Variants in CLMP observed in about 807,000 individuals in gnomAD.
The protein encoded by CLMP is CXADR like cell adhesion molecule.
CLMP carries 27 observed loss-of-function variants against 45.2 expected under a neutral mutation model. That is an observed-to-expected ratio of 0.60 (90% CI 0.44 to 0.82). CLMP has a LOEUF of 0.82. CLMP is among the 40% of genes least tolerant of loss of function. CLMP has a pLI of 0.00. For missense variants in CLMP, 403 were observed against 448.4 expected, an observed-to-expected ratio of 0.90 and a Z score of 0.91; for synonymous variants, 167 against 171.4, an observed-to-expected ratio of 0.97 and a Z score of 0.20.
intron 1 of CLMP, among the ~76,000 whole-genome samples, chr11:123,155,507 G>A (rs1261876646): frequency 6.6e-6 from 1 of 152,212 alleles, no homozygotes; most frequent in African/African-American, 2.4e-5. Flanking sequence ...CATCGTGTGA[G>A]GAAGGTATTA....
intron 1 of CLMP, among the ~76,000 whole-genome samples, chr11:123,135,133 G>A (rs942926927): frequency 3.3e-5 from 5 of 151,730 alleles, no homozygotes; most frequent in African/African-American, 4.8e-5. Context: ...GGTGGCAGGC[G>A]CCTGTAATCC....
chr11:123,139,567 C>T (rs971967906), intron 1 of CLMP, among the ~76,000 whole-genome samples: 2 of 152,168 alleles, frequency 1.3e-5, no homozygotes, highest in Non-Finnish European at 2.9e-5. Context: ...TGGCTCACGC[C>T]TGTAATGCCA....
At chr11:123,159,452 G>A (rs531352946) in intron 1 of CLMP, among the ~76,000 whole-genome samples, 2 of 152,358 alleles carry the variant, frequency 1.3e-5, no homozygotes, top group South Asian at 2.1e-4. Flanking sequence ...AGGCAAGCCT[G>A]GGGTACCCTC....
At chr11:123,172,363 G>A (rs902282524) in intron 1 of CLMP, among the ~76,000 whole-genome samples, 19 of 152,042 alleles carry the variant, frequency 1.2e-4, no homozygotes, top group African/African-American at 4.3e-4. Flanking sequence ...CACCTGCCTC[G>A]ATCTCCCTAA....
chr11:123,127,896 G>A (rs776353842), intron 1 of CLMP, among the ~76,000 whole-genome samples: 7 of 152,026 alleles, frequency 4.6e-5, no homozygotes, highest in Admixed American at 1.3e-4. Context: ...AAAATTAGCC[G>A]GGCGTGGTGG....
chr11:123,172,842 T>C (rs1861655348), intron 1 of CLMP, among the ~76,000 whole-genome samples: 1 of 152,230 alleles, frequency 6.6e-6, no homozygotes, highest in African/African-American at 2.4e-5. Flanking sequence ...TTTCTAACAA[T>C]GGAATTATTG....
intron 2 of CLMP, among the ~76,000 whole-genome samples, chr11:123,086,044 T>G (rs775710703): frequency 4.6e-5 from 7 of 152,134 alleles, no homozygotes; most frequent in Non-Finnish European, 1.0e-4. Context: ...CCCAAAGTGC[T>G]GGGATTACAG....
Position 123,072,391 on chromosome 11 carries a change from C to T in CLMP, c.*1083G>A, listed in dbSNP as rs1865682154. ...TGGCATAATCTTGGCTCACTGCAAC[C>T]TCCACCTGCTGGATTTTCCTACAGG... On this transcript the variant is annotated 3_prime_UTR_variant, in exon 7 of 7. Coordinates refer to ENST00000448775, the MANE Select transcript of CLMP (RefSeq NM_024769.5). 1 of 151,916 alleles carries T rather than the reference C, an allele frequency of 6.6e-6. No homozygotes were observed. The allele number at this position is 151,916 out of a possible 1,614,324, so 9.4% of individuals were successfully genotyped here.
intron 1 of CLMP, 37 bp from the exon 2 acceptor site, chr11:123,097,989 C>G (rs1456533981): frequency 2.7e-6 from 4 of 1,459,902 alleles, no homozygotes; most frequent in Non-Finnish European, 3.6e-6. Flanking sequence ...AATGCAGAGA[C>G]TGGATGGCAA....
chr11:123,086,730 G>A (rs1865869175), intron 2 of CLMP, among the ~76,000 whole-genome samples: 1 of 152,056 alleles, frequency 6.6e-6, no homozygotes, highest in South Asian at 2.1e-4. Context: ...ATATTTGTGG[G>A]GGCCAGATGC....
At chr11:123,097,702 C>T in intron 2 of CLMP, 93 bp downstream of exon 2, 1 of 1,027,888 alleles carries the variant, frequency 9.7e-7, no homozygotes, top group Non-Finnish European at 1.4e-6. Context: ...AACTCCAGCT[C>T]TTTCAGAGCC....
chr11:123,087,392 C>G (rs919892850), intron 2 of CLMP, among the ~76,000 whole-genome samples: 2 of 151,868 alleles, frequency 1.3e-5, no homozygotes, highest in African/African-American at 4.8e-5. Context: ...GCCTGTAAAC[C>G]CAGCTACTCA....
chr11:123,150,519 GGAAGGAAGGAAAGAAA>G lies in CLMP; in HGVS notation c.28+44378_28+44393del, dbSNP rs1267277857. On this transcript the variant is annotated intron_variant, in intron 1 of 6. Coordinates refer to ENST00000448775, the MANE Select transcript of CLMP (RefSeq NM_024769.5). ...AGGAAGGAAGGAAGGAAGGAAGGAA[GGAAGGAAGGAAAGAAA>G]CAAGCAAGGAAGGAAGGAAGGAAGG... is the stretch of plus-strand genomic sequence containing the variant. 5.6e-4 allele frequency among the ~76,000 whole-genome samples: 69 copies of G among 122,800 alleles called. No homozygotes were observed. In the South Asian group the frequency reaches 6.2e-3, roughly 11 times the overall value. The allele number at this position is 122,800 out of a possible 152,430, so 80.6% of individuals were successfully genotyped here.
At chr11:123,099,082 T>C (rs1866024588) in intron 1 of CLMP, among the ~76,000 whole-genome samples, 1 of 152,132 alleles carries the variant, frequency 6.6e-6, no homozygotes, top group South Asian at 2.1e-4. Context: ...TTCTCCAACC[T>C]TGGCCTCACA....
intron 1 of CLMP, among the ~76,000 whole-genome samples, chr11:123,134,322 A>C (rs2135511172): frequency 6.6e-6 from 1 of 152,146 alleles, no homozygotes; most frequent in Admixed American, 6.5e-5. Context: ...CCAGCAAAGG[A>C]CCAAAAAGGG....
At chr11:123,184,784 G>C (rs950510170) in intron 1 of CLMP, among the ~76,000 whole-genome samples, 2 of 152,212 alleles carry the variant, frequency 1.3e-5, no homozygotes, top group Non-Finnish European at 2.9e-5. Flanking sequence ...CTCCTGGAAC[G>C]GGATTTTACA....
intron 1 of CLMP, among the ~76,000 whole-genome samples, chr11:123,192,145 A>T (rs1271035962): frequency 6.6e-6 from 1 of 152,200 alleles, no homozygotes; most frequent in African/African-American, 2.4e-5. Flanking sequence ...AGCATGGGAC[A>T]TGTTTTGGGC....
At chr11:123,092,978 G>A (rs1394249097) in intron 2 of CLMP, among the ~76,000 whole-genome samples, 1 of 147,768 alleles carries the variant, frequency 6.8e-6, no homozygotes, top group East Asian at 2.0e-4. Context: ...TATGATCTCT[G>A]CTCACTGCAA....
chr11:123,186,107 G>A (rs1334032205), intron 1 of CLMP, among the ~76,000 whole-genome samples: 1 of 152,166 alleles, frequency 6.6e-6, no homozygotes, highest in Non-Finnish European at 1.5e-5. Context: ...CGCGTCTGCT[G>A]TTTTGCTCTA....
Sources: gnomAD v4.1 joint callset for allele counts (sites outside exome capture counted in the v4.1 genomes callset) on GRCh38, gnomAD v4.1.1 for gene constraint, MANE v1.5 for transcripts, NCBI Gene and HGNC (gene_info 2026-07-23, HGNC 2026-07-21) for gene names.